Variants in ERG observed in about 807,000 individuals in gnomAD.
ERG encodes the protein ETS transcription factor ERG, also known as transcriptional regulator ERG.
ERG carries 9 observed loss-of-function variants against 55.3 expected under a neutral mutation model. That is an observed-to-expected ratio of 0.16 (90% confidence interval 0.10 to 0.28). The LOEUF is 0.28. ERG is among the 10% of genes least tolerant of loss of function. ERG has a pLI of 1.00. For synonymous variants in ERG, 223 were observed against 237.3 expected (o/e 0.94, Z 0.55); for missense variants, 434 against 631.6 (o/e 0.69, Z 3.35).
chr21:38,400,313 CAGGATGCCTTCTTT>C (rs1481682849), intron 6 of ERG: 1 of 584,772 alleles, frequency 1.7e-6, no homozygotes, highest in East Asian at 3.3e-5. Flanking sequence ...GCCAGGCATC[CAGGATGCCTTCTTT>C]GCCCATCTGT....
intron 2 of ERG, among the ~76,000 whole-genome samples, chr21:38,574,933 T>C (rs2059985689): frequency 6.6e-6 from 1 of 152,238 alleles, no homozygotes; most frequent in Non-Finnish European, 1.5e-5. Context: ...GCAGTCTTTA[T>C]TTTTGTCAAA....
the ERG span, among the ~76,000 whole-genome samples, chr21:38,367,349 T>C: frequency 1.3e-5 from 2 of 152,192 alleles, no homozygotes; most frequent in African/African-American, 4.8e-5. Flanking sequence ...CAGAAGCAGC[T>C]CACGTGGGTG....
intron 1 of ERG, among the ~76,000 whole-genome samples, chr21:38,496,226 GA>G (rs2059377984): frequency 1.3e-5 from 2 of 152,114 alleles, no homozygotes; most frequent in African/African-American, 2.4e-5. Context: ...CTCAAATGCA[GA>G]AAACCAACTT....
chr21:38,552,496 C>T (rs2059830713), intron 2 of ERG, among the ~76,000 whole-genome samples: 2 of 152,088 alleles, frequency 1.3e-5, no homozygotes, highest in Non-Finnish European at 2.9e-5. Flanking sequence ...TGATTAACTA[C>T]ACATTATTCC....
intron 1 of ERG, among the ~76,000 whole-genome samples, chr21:38,464,723 A>AC (rs368088371): frequency 1.3e-5 from 2 of 149,662 alleles, no homozygotes; most frequent in Non-Finnish European, 3.0e-5. Context: ...CTACCCTCCT[A>AC]CCCCCCGAGA....
rs1354577794 is a variant in ERG, at chr21:38,429,388, T to C, written c.237-5827A>G. Among the ~76,000 whole-genome samples the C allele has an allele frequency of 9.7e-5, 3 of 30,812 alleles. 1 individual carries two copies. The highest frequency in any genetic ancestry group is 8.3e-3 in the South Asian group (2 of 240). The allele number at this position is 30,812 out of a possible 152,430, so 20.2% of individuals were successfully genotyped here. ...ATATGTACACATATACATATATATG[T>C]ACACATATACACATGTACATACGCA... On this transcript the variant is annotated intron_variant, in intron 2 of 9. Transcript: ENST00000288319.
At chr21:38,409,979 C>A (rs1203721055) in intron 3 of ERG, among the ~76,000 whole-genome samples, 1 of 152,200 alleles carries the variant, frequency 6.6e-6, no homozygotes. Context: ...CTTATTCAAC[C>A]ATTTACTGGA....
intron 2 of ERG, among the ~76,000 whole-genome samples, chr21:38,445,140 T>TC (rs199975965): frequency 0.011 from 1,226 of 110,170 alleles, 15 homozygotes; most frequent in South Asian, 0.029. Flanking sequence ...TTCTTCTTCT[T>TC]TTTTTTTTTT....
intron 2 of ERG, among the ~76,000 whole-genome samples, chr21:38,559,672 AT>A (rs2059880658): frequency 6.6e-6 from 1 of 152,044 alleles, no homozygotes; most frequent in Non-Finnish European, 1.5e-5. Context: ...TCTAAAACAA[AT>A]TTTTTAATAA....
At chr21:38,576,360 G>A (rs2059994635) in intron 1 of ERG, among the ~76,000 whole-genome samples, 1 of 152,084 alleles carries the variant, frequency 6.6e-6, no homozygotes, top group African/African-American at 2.4e-5. Flanking sequence ...ATTTGTCCAG[G>A]ATCACCTGGT....
chr21:38,561,606 T>C (rs2059893197), intron 2 of ERG, among the ~76,000 whole-genome samples: 1 of 152,236 alleles, frequency 6.6e-6, no homozygotes, highest in Non-Finnish European at 1.5e-5. Flanking sequence ...AATATAAAGA[T>C]ATTTTAAACT....
chr21:38,660,990 G>GGGAGGAAGAGGA (rs961611478), intron 1 of ERG, among the ~76,000 whole-genome samples: 2 of 151,976 alleles, frequency 1.3e-5, no homozygotes, highest in Admixed American at 6.6e-5. Context: ...TGGCGGCTCC[G>GGGAGGAAGAGGA]GGAGGAAGAG....
intron 3 of ERG, among the ~76,000 whole-genome samples, chr21:38,409,707 G>A (rs2146471998): frequency 6.6e-6 from 1 of 152,240 alleles, no homozygotes; most frequent in East Asian, 1.9e-4. Context: ...ACATGTTTAA[G>A]AAAAAGGGAG....
intron 1 of ERG, among the ~76,000 whole-genome samples, chr21:38,466,750 A>T (rs972143955): frequency 1.3e-5 from 2 of 152,192 alleles, no homozygotes; most frequent in African/African-American, 4.8e-5. Flanking sequence ...GTTGGTTGGA[A>T]CTACAGTTTC....
upstream of ERG, among the ~76,000 whole-genome samples, chr21:38,589,550 T>G (rs997153548): frequency 6.6e-6 from 1 of 152,114 alleles, no homozygotes; most frequent in African/African-American, 2.4e-5. Flanking sequence ...GAAGGGCACA[T>G]GATATAATTC....
intron 1 of ERG, among the ~76,000 whole-genome samples, chr21:38,491,005 A>T (rs1489308855): frequency 6.6e-6 from 1 of 152,204 alleles, no homozygotes; most frequent in African/African-American, 2.4e-5. Context: ...AAGGTCAGGG[A>T]AGGCACACAT....
intron 2 of ERG, among the ~76,000 whole-genome samples, chr21:38,525,694 C>A (rs2059625442): frequency 6.6e-6 from 1 of 152,178 alleles, no homozygotes; most frequent in Admixed American, 6.5e-5. Flanking sequence ...AGGAGAGGCA[C>A]CTGCATATCT....
intron 1 of ERG, among the ~76,000 whole-genome samples, chr21:38,496,306 G>A (rs187146818): frequency 6.6e-6 from 1 of 152,254 alleles, no homozygotes; most frequent in Non-Finnish European, 1.5e-5. Context: ...AAAAAACAGA[G>A]TGCATTGAGA....
chr21:38,606,873 C>T (rs904441384), intron 1 of ERG, among the ~76,000 whole-genome samples: 12 of 151,940 alleles, frequency 7.9e-5, no homozygotes, highest in African/African-American at 2.7e-4. Context: ...AAAAATTATT[C>T]AGAAGATATA....
Sources: gnomAD v4.1 joint callset for allele counts (sites outside exome capture counted in the v4.1 genomes callset) on GRCh38, gnomAD v4.1.1 for gene constraint, MANE v1.5 for transcripts, NCBI Gene and HGNC (gene_info 2026-07-23, HGNC 2026-07-21) for gene names.